The following RASSF3 variants were observed in gnomAD, a reference collection of about 807,000 sequenced individuals.
RASSF3 encodes the protein Ras association domain family member 3, also known as ras association domain-containing protein 3.
RASSF3 carries 19 observed loss-of-function variants against 19.9 expected under a neutral mutation model. The observed-to-expected ratio is 0.96, with a 90% CI of 0.67 to 1.40. The LOEUF (loss-of-function observed/expected upper bound fraction) is 1.40, where lower values mean the gene tolerates loss of function less well. Ranked by LOEUF, RASSF3 falls within the 40% of genes most tolerant of loss-of-function variation. The pLI is 0.00. For synonymous variants in RASSF3, 110 were observed against 104.2 expected (o/e 1.06, Z -0.34); for missense variants, 306 against 289.8 (o/e 1.06, Z -0.41).
At chr12:64,517,388 G>C (rs1174767492) in intron 1 of RASSF3, among the ~76,000 whole-genome samples, 1 of 151,462 alleles carries the variant, frequency 6.6e-6, no homozygotes. Context: ...AAAATAAAAT[G>C]TTCTAAATTT....
chr12:64,613,237 A>T (rs1262600902), intron 1 of RASSF3, among the ~76,000 whole-genome samples: 1 of 152,214 alleles, frequency 6.6e-6, no homozygotes, highest in Non-Finnish European at 1.5e-5. Flanking sequence ...GCTGATGATT[A>T]TAAGAATAAG....
intron 1 of RASSF3, among the ~76,000 whole-genome samples, chr12:64,516,702 G>A (rs931537273): frequency 6.6e-6 from 1 of 150,764 alleles, no homozygotes; most frequent in African/African-American, 2.4e-5. Flanking sequence ...TTAATTAACT[G>A]AAAATAAGAA....
At chr12:64,556,185 G>T (rs1476943495) in intron 2 of RASSF3, among the ~76,000 whole-genome samples, 2 of 152,062 alleles carry the variant, frequency 1.3e-5, no homozygotes, top group East Asian at 3.9e-4. Context: ...GAGTGGAAAG[G>T]ATCTCACTCT....
At chr12:64,524,033 C>T in intron 1 of RASSF3, among the ~76,000 whole-genome samples, 1 of 147,066 alleles carries the variant, frequency 6.8e-6, no homozygotes, top group African/African-American at 2.5e-5. Flanking sequence ...GCCATCACCA[C>T]TTGCTAGCTG....
At chr12:64,565,846 GC>G (rs996790303) in intron 2 of RASSF3, among the ~76,000 whole-genome samples, 1 of 147,422 alleles carries the variant, frequency 6.8e-6, no homozygotes, top group African/African-American at 2.5e-5. Flanking sequence ...TCTCGCCACT[GC>G]CCTCCAGCCT....
chr12:64,655,760 C>T lies in RASSF3; in HGVS notation c.112-29027C>T, dbSNP rs78059420. On this transcript the variant is annotated intron_variant, in intron 1 of 4. Coordinates refer to ENST00000542104, the MANE Select transcript of RASSF3 (RefSeq NM_178169.4). ...CATAAATTTGGGCCGGGTGCAGTAG[C>T]TCACGCCTGTAATTCCAGCACTTTG... Among the ~76,000 whole-genome samples, 1,071 of 152,188 alleles carry T rather than the reference C, an allele frequency of 7.0e-3. 15 individuals carry two copies. Among genetic ancestry groups the T allele is most frequent in the African/African-American group, 0.025 (1,032 of 41,534 alleles).
upstream of RASSF3, among the ~76,000 whole-genome samples, chr12:64,608,458 G>T (rs1272867392): frequency 6.6e-6 from 1 of 152,146 alleles, no homozygotes; most frequent in East Asian, 1.9e-4. Context: ...AGTAGCTGGC[G>T]CACGCTACCA....
chr12:64,645,451 T>C (rs978261831), intron 1 of RASSF3, among the ~76,000 whole-genome samples: 17 of 152,222 alleles, frequency 1.1e-4, no homozygotes, highest in African/African-American at 3.9e-4. Context: ...GGTGGGAGGA[T>C]GGTTTGAAGC....
At chr12:64,686,789 T>C (rs981355686) in intron 2 of RASSF3, among the ~76,000 whole-genome samples, 1 of 152,164 alleles carries the variant, frequency 6.6e-6, no homozygotes, top group Non-Finnish European at 1.5e-5. Flanking sequence ...TTCGTGCCAC[T>C]GCACTCCAGC....
At chr12:64,568,932 G>C (rs112030915) in intron 2 of RASSF3, among the ~76,000 whole-genome samples, 1 of 152,088 alleles carries the variant, frequency 6.6e-6, no homozygotes, top group African/African-American at 2.4e-5. Context: ...GGCTGGTCTC[G>C]AACTCCTGAC....
chr12:64,528,687 A>T (rs1254196094), upstream of RASSF3, among the ~76,000 whole-genome samples: 1 of 152,222 alleles, frequency 6.6e-6, no homozygotes, highest in African/African-American at 2.4e-5. Context: ...TTGAAAGCAT[A>T]GGTTCACCTC....
intron 1 of RASSF3, among the ~76,000 whole-genome samples, chr12:64,668,268 CTTCT>C (rs1363360322): frequency 6.8e-6 from 1 of 147,900 alleles, no homozygotes; most frequent in African/African-American, 2.7e-5. Context: ...TCTTCTTCTT[CTTCT>C]TTTTTTTTTT....
intron 3 of RASSF3, among the ~76,000 whole-genome samples, chr12:64,689,783 C>T (rs1204525758): frequency 1.7e-5 from 1 of 59,714 alleles, no homozygotes; most frequent in African/African-American, 5.5e-5. Context: ...GCTGCTAATT[C>T]GCTAATTCTT....
Position 64,602,567 on chromosome 12 carries a change from G to A in RASSF3, c.294+60862G>A, listed in dbSNP as rs1293184978. The stretch of plus-strand genomic sequence containing the variant: ...CTACACTCCAGCCTGGTGCCAGAGC[G>A]AGACTCCATCTCAAAAAAAAAAGAA... On this transcript the variant is annotated intron_variant, in intron 2 of 5. Coordinates refer to the RASSF3 transcript ENST00000637125. Among the ~76,000 whole-genome samples, 4 of 149,114 alleles carry A rather than the reference G, an allele frequency of 2.7e-5. 1 individual carries two copies. The highest frequency in any genetic ancestry group is 4.2e-4 in the South Asian group (2 of 4,728).
intron 2 of RASSF3, among the ~76,000 whole-genome samples, chr12:64,593,429 C>T (rs913450391): frequency 3.3e-5 from 5 of 152,074 alleles, no homozygotes; most frequent in Non-Finnish European, 5.9e-5. Flanking sequence ...GCCATGTTGC[C>T]CAGCTGGTCT....
rs190996969 is a variant in RASSF3, at chr12:64,551,654, G to A, written c.294+9949G>A. 9.7e-4 allele frequency among the ~76,000 whole-genome samples: 148 copies of A among 152,286 alleles called. 1 individual carries two copies. The highest frequency in any genetic ancestry group is 1.2e-3 in the Non-Finnish European group (83 of 68,026). On this transcript the variant is annotated intron_variant, in intron 2 of 5. Coordinates refer to the RASSF3 transcript ENST00000637125. ...TGGAGATTTAATTAGGCAATGCATA[G>A]AAAAGTACTTAGCCTGGTGTTTGGT...
intron 1 of RASSF3, among the ~76,000 whole-genome samples, chr12:64,649,701 C>T (rs377493651): frequency 6.6e-6 from 1 of 152,268 alleles, no homozygotes; most frequent in South Asian, 2.1e-4. Context: ...TTTCCAAAGT[C>T]GTCATGCTTA....
At chr12:64,685,972 G>A (rs1241436752) in intron 2 of RASSF3, among the ~76,000 whole-genome samples, 1 of 152,148 alleles carries the variant, frequency 6.6e-6, no homozygotes, top group African/African-American at 2.4e-5. Flanking sequence ...AGGACAAGGT[G>A]ATTGGTTTAA....
chr12:64,539,983 C>T (rs537438771), intron 1 of RASSF3, among the ~76,000 whole-genome samples: 1 of 152,134 alleles, frequency 6.6e-6, no homozygotes, highest in African/African-American at 2.4e-5. Flanking sequence ...TCACTCATAG[C>T]CCATAGAATG....
Sources: allele counts gnomAD v4.1 joint callset (sites outside exome capture counted in the v4.1 genomes callset), GRCh38; gene constraint gnomAD v4.1.1; transcripts MANE v1.5; gene names NCBI Gene and HGNC (gene_info 2026-07-23, HGNC 2026-07-21).